The following MIPOL1 variants were observed in gnomAD, a reference collection of about 807,000 sequenced individuals.
MIPOL1 encodes the protein mirror-image polydactyly 1, also known as mirror-image polydactyly gene 1 protein.
Under a neutral mutation model 60.9 loss-of-function variants are expected in MIPOL1, and 57 were observed. The ratio of observed to expected loss-of-function variants is 0.94; its 90% confidence interval spans 0.76 to 1.17. The LOEUF (loss-of-function observed/expected upper bound fraction) is 1.17, where lower values mean the gene tolerates loss of function less well. Among genes scored for constraint, MIPOL1 ranks in the 50% most tolerant of loss-of-function variants. The pLI is 0.00. For synonymous variants in MIPOL1, 179 were observed against 168.8 expected, an observed-to-expected ratio of 1.06 and a Z score of -0.47; for missense variants, 551 against 511.6, an observed-to-expected ratio of 1.08 and a Z score of -0.74.
intron 7 of MIPOL1, among the ~76,000 whole-genome samples, chr14:37,306,815 A>G (rs982745961): frequency 4.6e-5 from 7 of 151,816 alleles, no homozygotes; most frequent in Non-Finnish European, 1.0e-4. Flanking sequence ...ATCTTTGAAA[A>G]TTGTTCATTT....
At chr14:37,247,331 G>A (rs1325746129) in intron 2 of MIPOL1, 91 bp downstream of exon 2, 7 of 152,326 alleles carry the variant, frequency 4.6e-5, no homozygotes. Context: ...AGAGAGAGGA[G>A]TATCATTAAT....
intron 10 of MIPOL1, among the ~76,000 whole-genome samples, chr14:37,379,308 G>A (rs1238520897): frequency 6.6e-6 from 1 of 151,944 alleles, no homozygotes; most frequent in Non-Finnish European, 1.5e-5. Flanking sequence ...ACATACAAAA[G>A]TAATTCAAAA....
chr14:37,315,918 G>A (rs1378317316), intron 9 of MIPOL1, among the ~76,000 whole-genome samples: 3 of 152,210 alleles, frequency 2.0e-5, no homozygotes, highest in Non-Finnish European at 4.4e-5. Context: ...AAGAGGAGGA[G>A]CCAGGAGAGG....
intron 9 of MIPOL1, among the ~76,000 whole-genome samples, chr14:37,344,095 TATC>T (rs1567558529): frequency 6.6e-6 from 1 of 152,144 alleles, no homozygotes. Context: ...ATAACTACAG[TATC>T]ATTATCACAC....
At position 37,428,644 on chromosome 14, in the gene MIPOL1, G is replaced by A. The variant is rs377737321; in HGVS notation, c.1031+5695G>A. 2.0e-5 allele frequency among the ~76,000 whole-genome samples: 3 copies of A among 150,228 alleles called. No homozygotes were observed. In the East Asian group the frequency reaches 5.9e-4, roughly 29 times the overall value. On this transcript the variant is annotated intron_variant, in intron 11 of 12. Transcript: ENST00000684589. ...TACTGGCCTTTTTTTTAAAAAAGTG[G>A]GTTTTTTTCCAAAAATCTTTTTTTT...
intron 10 of MIPOL1, chr14:37,400,583 T>C (rs1412324851): frequency 6.6e-6 from 1 of 152,136 alleles, no homozygotes; most frequent in Non-Finnish European, 1.5e-5. Flanking sequence ...AGGAGGACTA[T>C]TTTCCACTTG....
chr14:37,290,065 G>C (rs1044812526), intron 7 of MIPOL1, among the ~76,000 whole-genome samples: 3 of 152,184 alleles, frequency 2.0e-5, no homozygotes, highest in Non-Finnish European at 2.9e-5. Context: ...CAAATTGGCT[G>C]TGTGTTATCC....
intron 6 of MIPOL1, among the ~76,000 whole-genome samples, chr14:37,283,009 G>A (rs1043192385): frequency 4.6e-5 from 7 of 152,040 alleles, no homozygotes; most frequent in African/African-American, 7.2e-5. Context: ...CAGATAAAAC[G>A]GGACTACTGT....
intron 12 of MIPOL1, chr14:37,505,342 G>T (rs2095265468): frequency 6.6e-6 from 1 of 152,304 alleles, no homozygotes; most frequent in South Asian, 2.1e-4. Context: ...GAACATCGCT[G>T]TGAAAATCCT....
chr14:37,338,640 C>T (rs1167697433), intron 9 of MIPOL1, among the ~76,000 whole-genome samples: 1 of 151,470 alleles, frequency 6.6e-6, no homozygotes, highest in African/African-American at 2.4e-5. Context: ...AAGTCCTGGC[C>T]TCAAGTGATT....
rs1566683997 is a variant in MIPOL1, at chr14:37,481,605, ACACACAC to A, written c.1032-18301_1032-18295del. Among the ~76,000 whole-genome samples the A allele has an allele frequency of 2.9e-3, 432 of 148,792 alleles. 5 individuals carry two copies. The highest frequency in any genetic ancestry group is 9.9e-3 in the African/African-American group (397 of 39,998). ...CACACACACACACACACACACACAC[ACACACAC>A]CGAAACCACATAGCCAAGGGAATCA... On this transcript the variant is annotated intron_variant, in intron 11 of 12. Transcript: ENST00000684589.
At chr14:37,386,402 T>A (rs1314359924) in intron 10 of MIPOL1, among the ~76,000 whole-genome samples, 1 of 152,008 alleles carries the variant, frequency 6.6e-6, no homozygotes, top group African/African-American at 2.4e-5. Context: ...GAGATTACAG[T>A]TATGTCAAGC....
chr14:37,302,219 T>A (rs889246942), intron 7 of MIPOL1, among the ~76,000 whole-genome samples: 2 of 149,344 alleles, frequency 1.3e-5, no homozygotes, highest in Non-Finnish European at 3.0e-5. Context: ...TCAGAGTTCC[T>A]GTTGCTGTAT....
At chr14:37,416,027 A>G (rs188438422) in intron 10 of MIPOL1, among the ~76,000 whole-genome samples, 1 of 152,238 alleles carries the variant, frequency 6.6e-6, no homozygotes, top group East Asian at 1.9e-4. Context: ...CTCTTCTAAA[A>G]CAATAGAAAT....
At chr14:37,356,397 G>C (rs2091828986) in intron 9 of MIPOL1, among the ~76,000 whole-genome samples, 1 of 152,106 alleles carries the variant, frequency 6.6e-6, no homozygotes, top group Admixed American at 6.5e-5. Context: ...GAAGCCTACA[G>C]AGGCAGGCAG....
intron 10 of MIPOL1, among the ~76,000 whole-genome samples, chr14:37,381,833 T>G (rs767665806): frequency 1.3e-4 from 19 of 151,882 alleles, no homozygotes; most frequent in Non-Finnish European, 2.6e-4. Context: ...TAAGCTATCT[T>G]CTCAGCTCAG....
At chr14:37,359,602 G>A (rs928509212) in intron 9 of MIPOL1, among the ~76,000 whole-genome samples, 35 of 110,198 alleles carry the variant, frequency 3.2e-4, no homozygotes, top group Non-Finnish European at 5.5e-4. Flanking sequence ...TAGCAATTGT[G>A]AATGGGAGTT....
chr14:37,279,956 C>G (rs1354737621), intron 6 of MIPOL1, among the ~76,000 whole-genome samples: 1 of 152,166 alleles, frequency 6.6e-6, no homozygotes, highest in African/African-American at 2.4e-5. Flanking sequence ...ACCCTCATCC[C>G]CAGCCTCTGG....
intron 12 of MIPOL1, among the ~76,000 whole-genome samples, chr14:37,512,702 C>T (rs1232026171): frequency 1.3e-5 from 2 of 151,774 alleles, no homozygotes; most frequent in East Asian, 1.9e-4. Context: ...TTTTGTTGGA[C>T]TGTAAGTGTC....
Sources: allele counts gnomAD v4.1 joint callset (sites outside exome capture counted in the v4.1 genomes callset), GRCh38; gene constraint gnomAD v4.1.1; transcripts MANE v1.5; gene names NCBI Gene and HGNC (gene_info 2026-07-23, HGNC 2026-07-21).